The following GSTM1 variants were observed in gnomAD, a reference collection of about 807,000 sequenced individuals.
GSTM1 encodes GST HB subunit 4.
In GSTM1, 6 loss-of-function variants were observed where a neutral mutation model predicts 17.3. The observed-to-expected ratio is 0.35, with a 90% confidence interval of 0.19 to 0.68. The LOEUF (loss-of-function observed/expected upper bound fraction) is 0.68, where lower values mean the gene tolerates loss of function less well. GSTM1 is among the 30% of genes least tolerant of loss of function. The pLI, the probability that GSTM1 is intolerant of heterozygous loss-of-function variation, is 0.65. For missense variants in GSTM1, 62 were observed against 155.9 expected (o/e 0.40, Z 3.21); for synonymous variants, 20 against 53.6 (o/e 0.37, Z 2.74).
chr1:109,691,933 T>C lies in GSTM1; in HGVS notation c.568-1273T>C, dbSNP rs1445463767. Reference sequence around the variant, plus strand: ...AGCTAGTTCCCATCAGCTCTGGTTCTGGTCCAGGCTTAGTGGCCTTGGAGT... The same window carrying C: ...AGCTAGTTCCCATCAGCTCTGGTTCCGGTCCAGGCTTAGTGGCCTTGGAGT... On this transcript the variant is annotated intron_variant, in intron 7 of 7. Coordinates refer to ENST00000309851, the MANE Select transcript of GSTM1 (RefSeq NM_000561.4). 2.5e-5 allele frequency among the ~76,000 whole-genome samples: 2 copies of C among 81,160 alleles called. 1 individual carries two copies. The highest frequency in any genetic ancestry group is 6.3e-5 in the Non-Finnish European group (2 of 31,534). 53.2% of individuals were successfully genotyped at this position (81,160 alleles called of 152,430 possible).
Position 109,688,068 on chromosome 1 carries a change from A to T in GSTM1, c.37-102A>T. 2 of 790,180 alleles carry T rather than the reference A, an allele frequency of 2.5e-6. 1 individual carries two copies. Among genetic ancestry groups the T allele is most frequent in the South Asian group, 3.7e-5 (2 of 54,382 alleles). 48.9% of individuals were successfully genotyped at this position (790,180 alleles called of 1,614,324 possible). ...GTGTGTTGGGGGTGTGGGCGGGTAG[A>T]GGAGGCAACGGGTACGTGCAGTGTA... On this transcript the variant is annotated intron_variant, in intron 1 of 7. Transcript: ENST00000309851.
rs1365268281 is a variant in GSTM1, at chr1:109,688,053, G to A, written c.37-117G>A. 1.7e-5 allele frequency: 13 copies of A among 770,254 alleles called. 5 individuals are homozygous for A. In the East Asian group the frequency reaches 5.5e-4, roughly 33 times the overall value. 47.7% of individuals were successfully genotyped at this position (770,254 alleles called of 1,614,324 possible). A position where few individuals can be genotyped will look rare whatever the true frequency, so the allele number is the denominator to read the frequency against. ...TGCATGCCGCTGTGTGTGTGTTGGG[G>A]GTGTGGGCGGGTAGAGGAGGCAACG... On this transcript the variant is annotated intron_variant, in intron 1 of 7. Coordinates refer to ENST00000309851, the MANE Select transcript of GSTM1 (RefSeq NM_000561.4).
In GSTM1 at chr1:109,691,478, C is replaced by G. The variant is rs1225206865; in HGVS notation, c.567+914C>G. Among the ~76,000 whole-genome samples the G allele has an allele frequency of 3.8e-5, 3 of 79,676 alleles. 1 individual carries two copies. The highest frequency in any genetic ancestry group is 1.1e-4 in the African/African-American group (3 of 27,956). 52.3% of individuals were successfully genotyped at this position (79,676 alleles called of 152,430 possible). ...GAACTCCTGACCTCAGGTGATCTGCCCACATCAGCCTCCCTCAGTGCTGGG... is the reference window on the plus strand; with the variant it reads ...GAACTCCTGACCTCAGGTGATCTGCGCACATCAGCCTCCCTCAGTGCTGGG... On this transcript the variant is annotated intron_variant, in intron 7 of 7. Coordinates refer to ENST00000309851, the MANE Select transcript of GSTM1 (RefSeq NM_000561.4).
rs1065411 is a variant in GSTM1 at position 109,690,516 on chromosome 1, G to T, written c.519G>T (p.Lys173Asn). 5.0e-6 allele frequency: 4 copies of T among 793,870 alleles called. No individual in the cohort carries two copies. In the African/African-American group the frequency reaches 5.6e-5, roughly 11 times the overall value. 49.2% of individuals were successfully genotyped at this position (793,870 alleles called of 1,614,324 possible). A position where few individuals can be genotyped will look rare whatever the true frequency, so the allele number is the denominator to read the frequency against. The change falls in exon 7 of 8, where the codon AAG becomes AAT. Residue 173 changes from lysine (K) to asparagine (N), a missense_variant. Coordinates refer to ENST00000309851, the MANE Select transcript of GSTM1 (RefSeq NM_000561.4). Reference protein sequence around the residue: ...VLDLHRIFEPKCLDAFPNLKD... With the variant: ...VLDLHRIFEPNCLDAFPNLKD... ...ACCTCCACCGTATATTTGAGCCCAAGTGCTTGGACGCCTTCCCAAATCTGA... is the reference window on the plus strand; with the variant it reads ...ACCTCCACCGTATATTTGAGCCCAATTGCTTGGACGCCTTCCCAAATCTGA...
chr1:109,692,662 A>G (rs1312918761), intron 7 of GSTM1, among the ~76,000 whole-genome samples: 2 of 77,730 alleles, frequency 2.6e-5, no homozygotes, highest in African/African-American at 7.3e-5. Flanking sequence ...CTCTATACCC[A>G]GACAAGCCAA....
chr1:109,691,049 C>G (rs566713345), intron 7 of GSTM1, among the ~76,000 whole-genome samples: 1 of 80,518 alleles, frequency 1.2e-5, no homozygotes, highest in South Asian at 3.8e-4. Context: ...ACTGAACCCA[C>G]AGGCAATATT....
chr1:109,688,210 C>T lies in GSTM1; in HGVS notation c.77C>T (p.Ser26Leu), dbSNP rs774437763. Reference sequence around the variant, plus strand: ...CGCCTGCTCCTGGAATACACAGACTCAAGCTATGAGGAAAAGAAGTACACG... The same window carrying T: ...CGCCTGCTCCTGGAATACACAGACTTAAGCTATGAGGAAAAGAAGTACACG... ...AIRLLLEYTD[S>L]SYEEKKYTMG... The change falls in exon 2 of 8, where the codon TCA (serine) becomes TTA (leucine). Residue 26 changes from serine to leucine, a missense_variant. By Grantham distance (145) the Ser-to-Leu change is moderately radical. Transcript: ENST00000309851. 3 of 798,224 alleles carry T rather than the reference C, an allele frequency of 3.8e-6. 1 individual carries two copies. The Admixed American group carries it at 9.1e-5, about 24-fold the overall frequency. The allele number at this position is 798,224 out of a possible 1,614,324, so 49.4% of individuals were successfully genotyped here. A position where few individuals can be genotyped will look rare whatever the true frequency, so the allele number is the denominator to read the frequency against.
rs771524140 is a variant in GSTM1 at position 109,693,279 on chromosome 1, T to G, written c.641T>G (p.Val214Gly). The G allele has an allele frequency of 1.3e-6, 1 of 795,328 alleles. No homozygotes were observed. Among genetic ancestry groups the G allele is most frequent in the South Asian group, 1.8e-5 (1 of 54,434 alleles). The allele number at this position is 795,328 out of a possible 1,614,324, so 49.3% of individuals were successfully genotyped here. Reference protein sequence around the residue: ...LPRPVFSKMAVWGNK With the variant: ...LPRPVFSKMAGWGNK Reference sequence around the variant, plus strand: ...AGACCTGTGTTCTCAAAGATGGCTGTCTGGGGCAACAAGTAGGGCCTTGAA... The same window carrying G: ...AGACCTGTGTTCTCAAAGATGGCTGGCTGGGGCAACAAGTAGGGCCTTGAA... The change falls in exon 8 of 8, where the codon GTC becomes GGC. Residue 214 changes from valine to glycine, a missense_variant. Coordinates refer to ENST00000309851, the MANE Select transcript of GSTM1 (RefSeq NM_000561.4).
rs569325303 is a variant in GSTM1 at position 109,690,032 on chromosome 1, A to G, written c.361-239A>G. On this transcript the variant is annotated intron_variant, in intron 5 of 7. Transcript: ENST00000309851. ...GCTATTGGGAGGTCAGTGAGGACAG[A>G]TTCAGGGACAGCATCTCATTCCTCT... is the stretch of plus-strand genomic sequence containing the variant. 7.4e-5 allele frequency among the ~76,000 whole-genome samples: 6 copies of G among 81,508 alleles called. 2 individuals carry two copies. The highest frequency in any genetic ancestry group is 1.0e-4 in the African/African-American group (3 of 28,698). The allele number at this position is 81,508 out of a possible 152,430, so 53.5% of individuals were successfully genotyped here.
Position 109,688,871 on chromosome 1 carries a change from T to C in GSTM1, c.177+134T>C, listed in dbSNP as rs2101278694. On this transcript the variant is annotated intron_variant, in intron 3 of 7. Coordinates refer to ENST00000309851, the MANE Select transcript of GSTM1 (RefSeq NM_000561.4). ...CTCTCACTCCTGGCTGTCTAAACAG[T>C]CCTTCCATGATGTTCTGTGTCCACC... is the stretch of plus-strand genomic sequence containing the variant. 12 of 493,352 alleles carry C rather than the reference T, an allele frequency of 2.4e-5. 5 individuals carry two copies. Among genetic ancestry groups the C allele is most frequent in the South Asian group, 1.9e-4 (9 of 46,368 alleles). 30.6% of individuals were successfully genotyped at this position (493,352 alleles called of 1,614,324 possible).
intron 3 of GSTM1, 45 bp from the exon 4 acceptor site, chr1:109,689,003 A>G: frequency 1.3e-6 from 1 of 749,364 alleles, no homozygotes; most frequent in East Asian, 5.0e-5. Flanking sequence ...GATGCTGGGG[A>G]GCCTGGTGGC....
rs1198956401 is a variant in GSTM1, at chr1:109,688,465, C to A, written c.113-208C>A. 1.3e-5 allele frequency: 5 copies of A among 373,984 alleles called. 1 individual carries two copies. The highest frequency in any genetic ancestry group is 1.2e-4 in the African/African-American group (5 of 40,818). 23.2% of individuals were successfully genotyped at this position (373,984 alleles called of 1,614,324 possible). ...TAATTGGGACGGGTGTCCCTCAGGG[C>A]TTGCCTAAACCCTGGAAGCCTTAGC... On this transcript the variant is annotated intron_variant, in intron 2 of 7. Coordinates refer to ENST00000309851, the MANE Select transcript of GSTM1 (RefSeq NM_000561.4).
chr1:109,691,373 C>T (rs767518057), intron 7 of GSTM1, among the ~76,000 whole-genome samples: 1 of 76,028 alleles, frequency 1.3e-5, no homozygotes, highest in African/African-American at 3.8e-5. Flanking sequence ...GTTGGGATTA[C>T]AGGTGTGCAC....
At chr1:109,691,664 A>G (rs2239892) in intron 7 of GSTM1, among the ~76,000 whole-genome samples, 13,361 of 80,924 alleles carry the variant, frequency 0.17, 5,280 homozygotes, top group South Asian at 0.33. Context: ...TGACTGCCCC[A>G]TCCTGGAAAT....
intron 7 of GSTM1, 154 bp from the exon 8 acceptor site, chr1:109,693,052 C>A: frequency 3.0e-6 from 1 of 332,886 alleles, no homozygotes; most frequent in South Asian, 3.3e-5. Context: ...CTCCGCAAAT[C>A]TGGGGACCCT....
rs1413858417 is a variant in GSTM1 at position 109,692,537 on chromosome 1, G to A, written c.568-669G>A. Among the ~76,000 whole-genome samples, 4 of 78,556 alleles carry A rather than the reference G, an allele frequency of 5.1e-5. 2 individuals are homozygous for A. The highest frequency in any genetic ancestry group is 1.3e-4 in the Non-Finnish European group (4 of 30,816). The allele number at this position is 78,556 out of a possible 152,430, so 51.5% of individuals were successfully genotyped here. ...AGGGGAATGTTTAGAGCCTAGTCTC[G>A]CCTTTGATTTTCTTGTGCACTGCCA... On this transcript the variant is annotated intron_variant, in intron 7 of 7. Coordinates refer to ENST00000309851, the MANE Select transcript of GSTM1 (RefSeq NM_000561.4).
In GSTM1 at chr1:109,693,046, G is replaced by A. The variant is rs1265134219; in HGVS notation, c.568-160G>A. 3.4e-5 allele frequency: 11 copies of A among 324,188 alleles called. 5 individuals carry two copies. The highest frequency in any genetic ancestry group is 6.6e-5 in the South Asian group (2 of 30,164). The allele number at this position is 324,188 out of a possible 1,614,324, so 20.1% of individuals were successfully genotyped here. A position where few individuals can be genotyped will look rare whatever the true frequency, so the allele number is the denominator to read the frequency against. On this transcript the variant is annotated intron_variant, in intron 7 of 7. Transcript: ENST00000309851. ...AAAGGAAGTTGGAAGAGTTAACTCC[G>A]CAAATCTGGGGACCCTAAGAAGCTG... is the stretch of plus-strand genomic sequence containing the variant.
intron 7 of GSTM1, among the ~76,000 whole-genome samples, chr1:109,691,225 C>CTTTTTTT (rs140454046): frequency 3.6e-3 from 66 of 18,228 alleles, no homozygotes; most frequent in Non-Finnish European, 3.9e-3. Flanking sequence ...CACCTCTATT[C>CTTTTTTT]TTTTTTTTTT....
chr1:109,688,518 A>G lies in GSTM1; in HGVS notation c.113-155A>G, dbSNP rs188771569. On this transcript the variant is annotated intron_variant, in intron 2 of 7. Transcript: ENST00000309851. ...TGTGGGGTCCAGAGCCCTCAGCGGG[A>G]TTCTTTGTCCCTGAACCCTGGGATG... 2.7e-3 allele frequency: 1,054 copies of G among 383,388 alleles called. 347 individuals carry two copies. Among genetic ancestry groups the G allele is most frequent in the African/African-American group, 0.021 (851 of 41,172 alleles). 23.7% of individuals were successfully genotyped at this position (383,388 alleles called of 1,614,324 possible).
Sources: gnomAD v4.1 joint callset for allele counts (sites outside exome capture counted in the v4.1 genomes callset) on GRCh38, gnomAD v4.1.1 for gene constraint, MANE v1.5 for transcripts, NCBI Gene and HGNC (gene_info 2026-07-23, HGNC 2026-07-21) for gene names.